The following CACNA1E variants were observed in gnomAD, a reference collection of about 807,000 sequenced individuals.
CACNA1E encodes the protein calcium voltage-gated channel subunit alpha1 E.
CACNA1E carries 40 observed loss-of-function variants against 259.2 expected under a neutral mutation model. The ratio of observed to expected loss-of-function variants is 0.15; its 90% CI spans 0.12 to 0.20. CACNA1E has a LOEUF of 0.20. Among genes scored for constraint, CACNA1E ranks in the 10% least tolerant of loss-of-function variants. The pLI, the probability that CACNA1E is intolerant of heterozygous loss-of-function variation, is 1.00. For synonymous variants in CACNA1E, 1,104 were observed against 1,138.5 expected (o/e 0.97, Z 0.61); for missense variants, 1,874 against 3,040.1 (o/e 0.62, Z 9.02).
chr1:181,658,191 G>C (rs1659363826), intron 7 of CACNA1E, among the ~76,000 whole-genome samples: 2 of 152,228 alleles, frequency 1.3e-5, no homozygotes, highest in African/African-American at 4.8e-5. Context: ...GGTTTGAGTT[G>C]TGTCTTAACA....
At chr1:181,393,831 A>T (rs1273511308) in intron 1 of CACNA1E, among the ~76,000 whole-genome samples, 1 of 152,138 alleles carries the variant, frequency 6.6e-6, no homozygotes, top group African/African-American at 2.4e-5. Context: ...AAACCATTAC[A>T]TTTCAAGTAC....
At chr1:181,405,871 G>A (rs1340357213) in intron 1 of CACNA1E, among the ~76,000 whole-genome samples, 1 of 152,196 alleles carries the variant, frequency 6.6e-6, no homozygotes, top group African/African-American at 2.4e-5. Context: ...GAGAAAAAGA[G>A]TTTAGGAAGA....
At chr1:181,718,666 A>ACACACC (rs1491443910) in intron 12 of CACNA1E, among the ~76,000 whole-genome samples, 12 of 129,554 alleles carry the variant, frequency 9.3e-5, no homozygotes, top group Middle Eastern at 3.8e-3. Context: ...ACACACACAC[A>ACACACC]CCCTTATATT....
intron 34 of CACNA1E, among the ~76,000 whole-genome samples, 189 bp from the exon 35 acceptor site, chr1:181,766,357 A>G (rs1659024760): frequency 6.6e-6 from 1 of 152,150 alleles, no homozygotes; most frequent in Admixed American, 6.5e-5. Context: ...CTGTTTACCT[A>G]TCTGTCAGAG....
chr1:181,743,134 G>A (rs928236134), intron 25 of CACNA1E, among the ~76,000 whole-genome samples: 25 of 152,252 alleles, frequency 1.6e-4, no homozygotes, highest in African/African-American at 6.0e-4. Context: ...CAAAGGTTGG[G>A]TTCAGGGCTT....
chr1:181,622,346 T>TA (rs2103174647), intron 6 of CACNA1E, among the ~76,000 whole-genome samples: 1 of 152,308 alleles, frequency 6.6e-6, no homozygotes, highest in East Asian at 1.9e-4. Context: ...AAGGTAATGT[T>TA]AGAGTAGTTG....
intron 12 of CACNA1E, among the ~76,000 whole-genome samples, chr1:181,719,126 C>A (rs762695253): frequency 1.1e-4 from 16 of 152,186 alleles, no homozygotes; most frequent in Admixed American, 9.8e-4. Context: ...CCGTACCTTT[C>A]GGCATTGCTG....
intron 6 of CACNA1E, among the ~76,000 whole-genome samples, chr1:181,624,898 A>G (rs561767067): frequency 2.1e-4 from 32 of 152,308 alleles, no homozygotes; most frequent in African/African-American, 7.7e-4. Context: ...TTCTTAAGTA[A>G]TAAGACTTGA....
chr1:181,629,081 C>G (rs3905010), intron 6 of CACNA1E, among the ~76,000 whole-genome samples: 28,996 of 152,094 alleles, frequency 0.19, 3,097 homozygotes, highest in South Asian at 0.35. Context: ...CGGAGTCCCT[C>G]TGTCTGGGGA....
chr1:181,470,837 TCTC>T (rs1459101059), intron 2 of CACNA1E, among the ~76,000 whole-genome samples: 1 of 152,160 alleles, frequency 6.6e-6, no homozygotes, highest in African/African-American at 2.4e-5. Context: ...CCCTTGAAAC[TCTC>T]CTCAACTAGT....
chr1:181,748,373 T>C (rs958105038), intron 25 of CACNA1E, among the ~76,000 whole-genome samples: 3 of 152,192 alleles, frequency 2.0e-5, no homozygotes, highest in African/African-American at 4.8e-5. Flanking sequence ...TTTACTAGGA[T>C]TCTGGGGGGA....
At chr1:181,715,232 GCT>G (rs1273715368) in intron 8 of CACNA1E, 104 bp from the exon 9 acceptor site, 5 of 700,956 alleles carry the variant, frequency 7.1e-6, no homozygotes, top group East Asian at 5.4e-5. Context: ...TCTGAACTCT[GCT>G]CTCTCTCTGT....
chr1:181,467,310 G>C (rs922303717), intron 2 of CACNA1E, among the ~76,000 whole-genome samples: 1 of 152,204 alleles, frequency 6.6e-6, no homozygotes, highest in Non-Finnish European at 1.5e-5. Flanking sequence ...AATAAGAAGG[G>C]AAAGAAAACA....
chr1:181,451,252 T>G (rs1661135330), intron 2 of CACNA1E, among the ~76,000 whole-genome samples: 1 of 152,198 alleles, frequency 6.6e-6, no homozygotes. Context: ...CTGTGTGACA[T>G]AGCAGGAGGT....
At chr1:181,749,435 C>A (rs1344461308) in intron 25 of CACNA1E, among the ~76,000 whole-genome samples, 2 of 152,192 alleles carry the variant, frequency 1.3e-5, no homozygotes, top group African/African-American at 4.8e-5. Context: ...ATTCACTGTG[C>A]TGTTTGACAG....
At chr1:181,340,596 T>C (rs1652076391) in intron 1 of CACNA1E, among the ~76,000 whole-genome samples, 1 of 152,222 alleles carries the variant, frequency 6.6e-6, no homozygotes, top group Non-Finnish European at 1.5e-5. Flanking sequence ...CTTTAAATAG[T>C]ATTTAAATTA....
intron 2 of CACNA1E, among the ~76,000 whole-genome samples, chr1:181,462,209 A>T (rs1445242471): frequency 2.0e-5 from 3 of 152,244 alleles, no homozygotes; most frequent in Non-Finnish European, 4.4e-5. Context: ...GAACAATCCA[A>T]TGACCAGTTT....
intron 36 of CACNA1E, 139 bp downstream of exon 36, chr1:181,771,523 G>C: frequency 1.6e-6 from 1 of 626,168 alleles, no homozygotes; most frequent in East Asian, 2.8e-5. Context: ...AACAGGCAAT[G>C]TCTTTGCCAA....
At chr1:181,418,850 A>G (rs771436297) in intron 2 of CACNA1E, among the ~76,000 whole-genome samples, 1 of 151,938 alleles carries the variant, frequency 6.6e-6, no homozygotes, top group Non-Finnish European at 1.5e-5. Context: ...CCACACACGT[A>G]TATGATACTA....
Sources: gnomAD v4.1 joint callset for allele counts (sites outside exome capture counted in the v4.1 genomes callset) on GRCh38, gnomAD v4.1.1 for gene constraint, MANE v1.5 for transcripts, NCBI Gene and HGNC (gene_info 2026-07-23, HGNC 2026-07-21) for gene names.